PSMD3: variants seen among roughly 807,000 people sequenced by gnomAD.
PSMD3 encodes the protein 26S proteasome non-ATPase regulatory subunit 3.
In PSMD3, 5 loss-of-function variants were observed where a neutral mutation model predicts 62.8. That is an observed-to-expected ratio of 0.08 (90% CI 0.04 to 0.17). PSMD3 has a LOEUF of 0.17. PSMD3 is among the 10% of genes least tolerant of loss of function. The pLI is 1.00. For missense variants in PSMD3, 524 were observed against 713.6 expected, an observed-to-expected ratio of 0.73 and a Z score of 3.03; for synonymous variants, 265 against 283.9, an observed-to-expected ratio of 0.93 and a Z score of 0.67.
chr17:39,986,095 T>G (rs2144809417), intron 2 of PSMD3, among the ~76,000 whole-genome samples: 1 of 152,280 alleles, frequency 6.6e-6, no homozygotes, highest in African/African-American at 2.4e-5. Flanking sequence ...CCAGCCTCCT[T>G]GACTTGTTTT....
In PSMD3 at chr17:39,984,279, T is replaced by A; in HGVS notation, c.221-15T>A. On this transcript the variant is annotated splice_polypyrimidine_tract_variant and intron_variant, in intron 1 of 11. Coordinates refer to ENST00000264639, the MANE Select transcript of PSMD3 (RefSeq NM_002809.4). ...GAGTGAAAGTGACATCATTTTCTTCTCTGCTCTTCTTCAGACATCAAGGAG... is the reference window on the plus strand; with the variant it reads ...GAGTGAAAGTGACATCATTTTCTTCACTGCTCTTCTTCAGACATCAAGGAG... 1 of 1,596,720 alleles carries A rather than the reference T, an allele frequency of 6.3e-7. No homozygotes were observed. Among genetic ancestry groups the A allele is most frequent in the Middle Eastern group, 1.8e-4 (1 of 5,482 alleles).
chr17:39,984,290 T>G lies in PSMD3; in HGVS notation c.221-4T>G. ...ACATCATTTTCTTCTCTGCTCTTCT[T>G]CAGACATCAAGGAGCACGTGAAACA... On this transcript the variant is annotated splice_polypyrimidine_tract_variant and splice_region_variant and intron_variant, in intron 1 of 11. Transcript: ENST00000264639. The G allele has an allele frequency of 6.2e-7, 1 of 1,609,012 alleles. No homozygotes were observed. Among genetic ancestry groups the G allele is most frequent in the Non-Finnish European group, 8.5e-7 (1 of 1,177,060 alleles).
chr17:39,989,093 G>C (rs1980594296), intron 4 of PSMD3, among the ~76,000 whole-genome samples: 1 of 152,190 alleles, frequency 6.6e-6, no homozygotes, highest in Admixed American at 6.5e-5. Context: ...TAGGGGTGGA[G>C]GGACAGGCTA....
At chr17:39,990,055 C>G (rs1296627014) in intron 5 of PSMD3, 39 bp from the exon 6 acceptor site, 1 of 1,605,810 alleles carries the variant, frequency 6.2e-7, no homozygotes, top group Admixed American at 1.7e-5. Context: ...GTTGGATGAC[C>G]CTACTCTGTT....
chr17:39,997,218 G>A (rs1464974640), intron 10 of PSMD3, 112 bp from the exon 11 acceptor site: 13 of 1,000,712 alleles, frequency 1.3e-5, no homozygotes, highest in Admixed American at 3.5e-5. Context: ...AGAGGGGCCC[G>A]CCGCTTCCTG....
In PSMD3 at chr17:39,980,955, C is replaced by T. The variant is rs1980364794; in HGVS notation, c.-16C>T. The stretch of plus-strand genomic sequence containing the variant: ...CCCGGCCTCGGTCCCCGGACTAGGC[C>T]GTGACCCCGGGTGCCATGAAGCAGG... On this transcript the variant is annotated 5_prime_UTR_variant, in exon 1 of 12. Coordinates refer to ENST00000264639, the MANE Select transcript of PSMD3 (RefSeq NM_002809.4). 1 of 1,517,816 alleles carries T rather than the reference C, an allele frequency of 6.6e-7. No individual in the cohort carries two copies. Among genetic ancestry groups the T allele is most frequent in the Non-Finnish European group, 8.8e-7 (1 of 1,136,210 alleles). 94.0% of individuals were successfully genotyped at this position (1,517,816 alleles called of 1,614,324 possible). A position where few individuals can be genotyped will look rare whatever the true frequency, so the allele number is the denominator to read the frequency against.
At chr17:39,988,284 T>C (rs1022547726) in intron 3 of PSMD3, among the ~76,000 whole-genome samples, 5 of 152,208 alleles carry the variant, frequency 3.3e-5, no homozygotes, top group African/African-American at 9.6e-5. Context: ...CCTGTCTCTA[T>C]TGAGGATTTA....
At position 39,995,114 on chromosome 17, in the gene PSMD3, T is replaced by G. The variant is rs1466431487; in HGVS notation, c.1096+46T>G. ...CCAGAGCCCACTAGGCCCCCTTCAG[T>G]GGGGCCTCTTACATGCCTGTGCCTA... On this transcript the variant is annotated intron_variant, in intron 7 of 11. Coordinates refer to ENST00000264639, the MANE Select transcript of PSMD3 (RefSeq NM_002809.4). The surrounding 1 kb of genome is among the most constrained non-coding windows in gnomAD (Gnocchi z 4.1). 1.9e-6 allele frequency: 3 copies of G among 1,613,452 alleles called. No individual in the cohort carries two copies. Among genetic ancestry groups the G allele is most frequent in the Non-Finnish European group, 2.5e-6 (3 of 1,179,468 alleles).
intron 6 of PSMD3, among the ~76,000 whole-genome samples, chr17:39,992,024 C>A (rs940174141): frequency 6.9e-4 from 70 of 102,070 alleles, no homozygotes; most frequent in Non-Finnish European, 1.1e-3. Context: ...GACTCTGTCT[C>A]AAAAAAAAAC....
chr17:39,997,482 C>T (rs759526745), intron 11 of PSMD3, 22 bp from the exon 12 acceptor site: 1 of 1,613,940 alleles, frequency 6.2e-7, no homozygotes, highest in Non-Finnish European at 8.5e-7. Context: ...GAAGCTTTGG[C>T]CTCACTTGCC....
In PSMD3 at chr17:39,986,670, C is replaced by A; in HGVS notation, c.507C>A (p.Leu169=). 1.2e-6 allele frequency: 2 copies of A among 1,614,188 alleles called. No homozygotes were observed. The highest frequency in any genetic ancestry group is 8.5e-7 in the Non-Finnish European group (1 of 1,180,038). ...LLPEVEAYLQ[L]LVVIFMMNSK... ...CTGAAGTGGAAGCCTATCTCCAACT[C>A]CTCGTGGTCATCTTCATGATGAACA... Residue 169 remains leucine, a synonymous_variant, in exon 3 of 12, where the codon CTC becomes CTA. Coordinates refer to ENST00000264639, the MANE Select transcript of PSMD3 (RefSeq NM_002809.4).
chr17:39,996,919 A>G lies in PSMD3; in HGVS notation c.1477-411A>G. On this transcript the variant is annotated intron_variant, in intron 10 of 11. Coordinates refer to ENST00000264639, the MANE Select transcript of PSMD3 (RefSeq NM_002809.4). The surrounding 1 kb of genome is among the most constrained non-coding windows in gnomAD (Gnocchi z 5.1). ...CTTGCTTAAAATCTGGCTAAGCCCTACTCCACGTGACATGCAAGGCCCTTT... is the reference window on the plus strand; with the variant it reads ...CTTGCTTAAAATCTGGCTAAGCCCTGCTCCACGTGACATGCAAGGCCCTTT... 2.5e-6 allele frequency: 1 copy of G among 396,112 alleles called. No homozygotes were observed. Among genetic ancestry groups the G allele is most frequent in the Non-Finnish European group, 4.9e-6 (1 of 204,474 alleles). 24.5% of individuals were successfully genotyped at this position (396,112 alleles called of 1,614,324 possible).
In PSMD3 at chr17:39,997,755, G is replaced by A. The variant is rs1024350500; in HGVS notation, c.*174G>A. The A allele has an allele frequency of 3.7e-5, 27 of 732,366 alleles. No individual in the cohort carries two copies. The East Asian group carries it at 6.8e-4, about 18-fold the overall frequency. The allele number at this position is 732,366 out of a possible 1,614,324, so 45.4% of individuals were successfully genotyped here. A position where few individuals can be genotyped will look rare whatever the true frequency, so the allele number is the denominator to read the frequency against. On this transcript the variant is annotated 3_prime_UTR_variant, in exon 12 of 12. Coordinates refer to ENST00000264639, the MANE Select transcript of PSMD3 (RefSeq NM_002809.4). ...TGACCTCCCCCAGGGCTCCTCCCCA[G>A]CCGGTGACTTACTGTACAGCAGGCA...
At chr17:39,984,043 C>G (rs1980456545) in intron 1 of PSMD3, among the ~76,000 whole-genome samples, 3 of 151,912 alleles carry the variant, frequency 2.0e-5, no homozygotes, top group Non-Finnish European at 4.4e-5. Flanking sequence ...ACTAAAAATA[C>G]AAAAAATTTA....
rs993782293 is a variant in PSMD3 at position 39,995,912 on chromosome 17, A to G, written c.1321-271A>G. ...CATGGGCAGATCACCTGAGGTCAGG[A>G]GTTTGAGACAAGCCTGGCCAACTTG... On this transcript the variant is annotated intron_variant, in intron 9 of 11. Transcript: ENST00000264639. This position sits in a 1 kb window ranked among gnomAD's most constrained non-coding sequence, Gnocchi z 4.1. The G allele has an allele frequency of 2.0e-6, 1 of 490,028 alleles. No individual in the cohort carries two copies. Among genetic ancestry groups the G allele is most frequent in the South Asian group, 2.1e-5 (1 of 48,096 alleles). The allele number at this position is 490,028 out of a possible 1,614,324, so 30.4% of individuals were successfully genotyped here.
Position 39,996,351 on chromosome 17 carries a change from T to G in PSMD3, c.1476+13T>G. On this transcript the variant is annotated intron_variant, in intron 10 of 11. Coordinates refer to ENST00000264639, the MANE Select transcript of PSMD3 (RefSeq NM_002809.4). This position sits in a 1 kb window ranked among gnomAD's most constrained non-coding sequence, Gnocchi z 5.1. ...CATGTCTGTCAAGGTGAGAAGCCCG[T>G]GGCTGCAGAGTCACGCCTGGCAGCA... 5.0e-6 allele frequency: 8 copies of G among 1,612,486 alleles called. No individual in the cohort carries two copies. Among genetic ancestry groups the G allele is most frequent in the Non-Finnish European group, 6.8e-6 (8 of 1,179,282 alleles).
At chr17:39,988,620 G>T in intron 3 of PSMD3, 63 bp from the exon 4 acceptor site, 1 of 1,577,210 alleles carries the variant, frequency 6.3e-7, no homozygotes, top group South Asian at 1.1e-5. Flanking sequence ...TGGCTCAAAT[G>T]ACAACTCCAT....
At chr17:39,985,149 A>T (rs1980493471) in intron 2 of PSMD3, among the ~76,000 whole-genome samples, 4 of 152,130 alleles carry the variant, frequency 2.6e-5, no homozygotes. Flanking sequence ...GATCACTTGA[A>T]TGCAGGAGGT....
rs1980362425 is a variant in PSMD3, at chr17:39,980,890, G to C, written c.-81G>C. On this transcript the variant is annotated 5_prime_UTR_variant, in exon 1 of 12. Transcript: ENST00000264639. ...TATCTCGCGCTCGTGTGCAGGCCCG[G>C]CTCGGCTCCTGGTCCCCGGTGCGAG... 1.5e-5 allele frequency: 19 copies of C among 1,281,866 alleles called. No individual in the cohort carries two copies. Among genetic ancestry groups the C allele is most frequent in the Non-Finnish European group, 1.9e-5 (18 of 962,800 alleles). 79.4% of individuals were successfully genotyped at this position (1,281,866 alleles called of 1,614,324 possible).
Sources: gnomAD v4.1 joint callset for allele counts (sites outside exome capture counted in the v4.1 genomes callset) on GRCh38, gnomAD v4.1.1 for gene constraint, Gnocchi (gnomAD v3.1) non-coding constraint, MANE v1.5 for transcripts, NCBI Gene and HGNC (gene_info 2026-07-23, HGNC 2026-07-21) for gene names.